Variants in RTTN observed in about 807,000 individuals in gnomAD.
The protein encoded by RTTN is rotatin.
RTTN carries 182 observed loss-of-function variants against 269.2 expected under a neutral mutation model. The observed-to-expected ratio is 0.68, with a 90% CI of 0.60 to 0.76. The LOEUF (loss-of-function observed/expected upper bound fraction) is 0.76. Among genes scored for constraint, RTTN ranks in the 30% least tolerant of loss-of-function variants. The pLI is 0.00. For missense variants in RTTN, 2,545 were observed against 2,608.6 expected, an observed-to-expected ratio of 0.98 and a Z score of 0.53; for synonymous variants, 1,006 against 963.5, an observed-to-expected ratio of 1.04 and a Z score of -0.82.
intron 35 of RTTN, among the ~76,000 whole-genome samples, chr18:70,065,277 A>AAG (rs1248039151): frequency 1.1e-4 from 16 of 150,758 alleles, no homozygotes; most frequent in Admixed American, 6.6e-5. Context: ...ATTTAAAAAA[A>AAG]AAAAAAAAAA....
At chr18:70,196,823 G>A (rs938783087) in intron 6 of RTTN, among the ~76,000 whole-genome samples, 175 bp from the exon 7 acceptor site, 4 of 152,130 alleles carry the variant, frequency 2.6e-5, no homozygotes, top group African/African-American at 9.7e-5. Context: ...ATAAAGCAAG[G>A]AGATGGGTCA....
intron 27 of RTTN, among the ~76,000 whole-genome samples, chr18:70,110,953 T>C (rs564578883): frequency 6.6e-6 from 1 of 152,346 alleles, no homozygotes; most frequent in African/African-American, 2.4e-5. Context: ...ACTGGGAAGT[T>C]CGAACTGGGC....
intron 40 of RTTN, among the ~76,000 whole-genome samples, chr18:70,044,086 T>C (rs747211765): frequency 6.6e-6 from 1 of 152,246 alleles, no homozygotes; most frequent in Non-Finnish European, 1.5e-5. Flanking sequence ...TTAAGTGATG[T>C]AGGGTATTCT....
chr18:70,201,624 A>AAC (rs1568563641), intron 4 of RTTN, among the ~76,000 whole-genome samples: 2 of 149,998 alleles, frequency 1.3e-5, no homozygotes, highest in Non-Finnish European at 3.0e-5. Flanking sequence ...AAAAAAAAAA[A>AAC]AAAAAAAAAA....
intron 18 of RTTN, among the ~76,000 whole-genome samples, chr18:70,144,549 C>T (rs2060339432): frequency 6.6e-6 from 1 of 152,200 alleles, no homozygotes; most frequent in African/African-American, 2.4e-5. Context: ...CCACTCACTG[C>T]TATCTTCCAG....
intron 14 of RTTN, among the ~76,000 whole-genome samples, chr18:70,154,249 T>A (rs1198337008): frequency 6.6e-6 from 1 of 151,994 alleles, no homozygotes; most frequent in Non-Finnish European, 1.5e-5. Context: ...ACAGGAAAAA[T>A]TATCTGGATG....
rs537248976 is a variant in RTTN at position 70,131,285 on chromosome 18, G to A, written c.2955-2739C>T. ...AATAAAAAGTAACAGAAACGACCAC[G>A]GTATACAAATCTAAATGACTATTTA... On this transcript the variant is annotated intron_variant, in intron 23 of 48. Transcript: ENST00000640769. The A allele has an allele frequency of 1.1e-4, 17 of 150,752 alleles. 1 individual carries two copies. The highest frequency in any genetic ancestry group is 3.4e-4 in the African/African-American group (14 of 41,108). The allele number at this position is 150,752 out of a possible 1,614,324, so 9.3% of individuals were successfully genotyped here. A position where few individuals can be genotyped will look rare whatever the true frequency, so the allele number is the denominator to read the frequency against.
At chr18:70,128,657 A>T in intron 23 of RTTN, 111 bp from the exon 24 acceptor site, 1 of 764,694 alleles carries the variant, frequency 1.3e-6, no homozygotes, top group Non-Finnish European at 2.2e-6. Flanking sequence ...ACAATAATGC[A>T]AAGGTTTCTC....
At chr18:70,025,479 T>C (rs997302260) in intron 43 of RTTN, among the ~76,000 whole-genome samples, 11 of 152,170 alleles carry the variant, frequency 7.2e-5, no homozygotes, top group African/African-American at 2.7e-4. Context: ...CCGAGGTAAT[T>C]TGTAGACCCA....
At position 70,199,420 on chromosome 18, in the gene RTTN, T is replaced by C; in HGVS notation, c.572A>G (p.Asn191Ser). 5 of 1,605,384 alleles carry C rather than the reference T, an allele frequency of 3.1e-6. No homozygotes were observed. Among genetic ancestry groups the C allele is most frequent in the Non-Finnish European group, 4.3e-6 (5 of 1,172,474 alleles). The change falls in exon 5 of 49, where the codon AAT becomes AGT. Residue 191 changes from asparagine (N) to serine (S), a missense_variant. Asn to Ser is a conservative substitution (Grantham distance 46). Coordinates refer to ENST00000640769, the MANE Select transcript of RTTN (RefSeq NM_173630.4). ...TTTDRHVLSSNESSLRSSNHT... is the reference protein window; with the variant it reads ...TTTDRHVLSSSESSLRSSNHT... ...AATACATCAAGCACCGTACCTTTCATTAGAGGAGAGGACATGTCTGTCTGT... is the reference window on the plus strand; with the variant it reads ...AATACATCAAGCACCGTACCTTTCACTAGAGGAGAGGACATGTCTGTCTGT...
At chr18:70,028,595 C>T (rs539538407) in intron 43 of RTTN, 129 bp downstream of exon 43, 3 of 559,638 alleles carry the variant, frequency 5.4e-6, no homozygotes, top group South Asian at 2.6e-5. Context: ...GTTTAAGGAC[C>T]AATCAACTGT....
chr18:70,127,775 T>A, intron 24 of RTTN, 34 bp from the exon 25 acceptor site: 3 of 1,501,236 alleles, frequency 2.0e-6, no homozygotes, highest in Non-Finnish European at 2.7e-6. Flanking sequence ...AGGAGGAACA[T>A]AAAGCTATTT....
rs1283180624 is a variant in RTTN, at chr18:70,109,662, G to A, written c.3739C>T (p.Gln1247Ter). ...GGCGCATCCGTCACTTTCAGACACT[G>A]GAGCAGTTTCAGAGCCAGCTGCGTT... ...FQTQLALKLL[Q>*]CLKVTDAPHF... is the part of the protein sequence containing the mutation. The change falls in exon 28 of 49, where the codon CAG (glutamine) becomes TAG (stop). Residue 1247 changes from glutamine (Q) to a stop codon, truncating the protein, a stop_gained. Transcript: ENST00000640769. LOFTEE classifies it high-confidence loss of function. The A allele has an allele frequency of 1.2e-6, 2 of 1,614,126 alleles. No individual in the cohort carries two copies. Among genetic ancestry groups the A allele is most frequent in the Admixed American group, 3.3e-5 (2 of 60,014 alleles).
intron 9 of RTTN, among the ~76,000 whole-genome samples, chr18:70,189,284 A>G (rs2061617038): frequency 6.6e-6 from 1 of 152,222 alleles, no homozygotes; most frequent in Non-Finnish European, 1.5e-5. Context: ...AAGTATGAGT[A>G]CACAGTTTTC....
At chr18:70,062,476 C>T (rs77065341) in intron 35 of RTTN, among the ~76,000 whole-genome samples, 1,552 of 152,246 alleles carry the variant, frequency 0.01, 25 homozygotes, top group African/African-American at 0.035. Context: ...TAAATTTCCC[C>T]TTCTTTCATA....
At chr18:70,177,698 G>C (rs1445491188) in intron 10 of RTTN, among the ~76,000 whole-genome samples, 2 of 151,900 alleles carry the variant, frequency 1.3e-5, no homozygotes, top group Non-Finnish European at 2.9e-5. Context: ...TGCAAACTAA[G>C]AACAAAAATC....
At chr18:70,071,165 A>G (rs1389945692) in intron 34 of RTTN, among the ~76,000 whole-genome samples, 14 of 152,170 alleles carry the variant, frequency 9.2e-5, no homozygotes, top group Non-Finnish European at 2.1e-4. Flanking sequence ...ATGGAGTGGG[A>G]CCTCACTCCA....
intron 7 of RTTN, among the ~76,000 whole-genome samples, chr18:70,195,663 T>C (rs2061788155): frequency 6.6e-6 from 1 of 152,254 alleles, no homozygotes; most frequent in Non-Finnish European, 1.5e-5. Context: ...GAGGCTAGAA[T>C]ATCAGGGGCA....
chr18:70,086,743 T>C (rs1279430457), intron 31 of RTTN, 59 bp from the exon 32 acceptor site: 4 of 1,385,938 alleles, frequency 2.9e-6, no homozygotes, highest in Non-Finnish European at 3.9e-6. Context: ...AGGTCAATAC[T>C]GCCATCTTGT....
Sources: allele counts gnomAD v4.1 joint callset (sites outside exome capture counted in the v4.1 genomes callset), GRCh38; gene constraint gnomAD v4.1.1; transcripts MANE v1.5; gene names NCBI Gene and HGNC (gene_info 2026-07-23, HGNC 2026-07-21).